NRXN1: variants seen among roughly 807,000 people sequenced by gnomAD.
The protein encoded by NRXN1 is neurexin-1.
Under a neutral mutation model 150.9 loss-of-function variants are expected in NRXN1, and 39 were observed. The ratio of observed to expected loss-of-function variants is 0.26; its 90% CI spans 0.20 to 0.34. The LOEUF (loss-of-function observed/expected upper bound fraction) is 0.34, where lower values mean the gene tolerates loss of function less well. Among genes scored for constraint, NRXN1 ranks in the 10% least tolerant of loss-of-function variants. NRXN1 has a pLI of 1.00. For synonymous variants in NRXN1, 924 were observed against 757.0 expected (o/e 1.22, Z -3.62); for missense variants, 1,815 against 1,949.9 (o/e 0.93, Z 1.30).
chr2:50,240,394 C>A (rs903010375), intron 17 of NRXN1, among the ~76,000 whole-genome samples: 1 of 151,748 alleles, frequency 6.6e-6, no homozygotes, highest in Non-Finnish European at 1.5e-5. Flanking sequence ...TTCCTCAGCT[C>A]TCTTCTACAT....
At chr2:50,976,745 G>A (rs1695907900) in intron 2 of NRXN1, among the ~76,000 whole-genome samples, 1 of 151,770 alleles carries the variant, frequency 6.6e-6, no homozygotes, top group South Asian at 2.1e-4. Context: ...AAGTACTCGG[G>A]AACTGTAACC....
At chr2:50,413,969 C>A (rs1288968448) in intron 17 of NRXN1, among the ~76,000 whole-genome samples, 1 of 140,970 alleles carries the variant, frequency 7.1e-6, no homozygotes, top group Admixed American at 7.9e-5. Flanking sequence ...TTTGTGGGAT[C>A]TGAAAATCAA....
intron 2 of NRXN1, among the ~76,000 whole-genome samples, chr2:50,959,994 C>T (rs145886528): frequency 6.6e-4 from 101 of 151,994 alleles, no homozygotes; most frequent in Non-Finnish European, 1.0e-3. Flanking sequence ...TTTTCTTATA[C>T]ACAAAAATTC....
intron 5 of NRXN1, among the ~76,000 whole-genome samples, chr2:50,851,385 A>G (rs1023465242): frequency 2.6e-5 from 4 of 152,200 alleles, no homozygotes; most frequent in Admixed American, 6.5e-5. Flanking sequence ...CAAGAAATAT[A>G]TAAGTGTTTT....
At chr2:50,266,826 TAAG>T (rs1024855234) in intron 17 of NRXN1, among the ~76,000 whole-genome samples, 2 of 152,184 alleles carry the variant, frequency 1.3e-5, no homozygotes, top group Non-Finnish European at 2.9e-5. Flanking sequence ...GTTTGGTATT[TAAG>T]AAAGCATAAA....
rs540397119 is a variant in NRXN1, at chr2:50,346,014, A to G, written c.3365-109044T>C. Among the ~76,000 whole-genome samples the G allele has an allele frequency of 1.3e-5, 2 of 152,208 alleles. No homozygotes were observed. The highest frequency in any genetic ancestry group is 3.9e-4 in the East Asian group (2 of 5,184). ...AGACATATATTTATGTGCAGAGTGG[A>G]TGGAAGGGGAATGGTGTCCAGAGGT... is the stretch of plus-strand genomic sequence containing the variant. On this transcript the variant is annotated intron_variant, in intron 17 of 22. Coordinates refer to ENST00000401669, the MANE Select transcript of NRXN1 (RefSeq NM_001330078.2). The surrounding 1 kb of genome is among the most constrained non-coding windows in gnomAD (Gnocchi z 5.0).
intron 2 of NRXN1, among the ~76,000 whole-genome samples, chr2:50,998,722 T>C (rs1699642883): frequency 6.6e-6 from 1 of 152,114 alleles, no homozygotes; most frequent in East Asian, 1.9e-4. Flanking sequence ...AACATTTTAA[T>C]CTTTTGTCAG....
intron 16 of NRXN1, among the ~76,000 whole-genome samples, chr2:50,468,592 A>G (rs750136893): frequency 1.3e-5 from 2 of 151,620 alleles, no homozygotes; most frequent in African/African-American, 4.8e-5. Flanking sequence ...AATTAATAAT[A>G]TGTCTAAAAG....
intron 19 of NRXN1, among the ~76,000 whole-genome samples, chr2:50,070,951 A>G (rs1185630369): frequency 6.6e-6 from 1 of 152,168 alleles, no homozygotes; most frequent in African/African-American, 2.4e-5. Context: ...TTCTTCTTAA[A>G]CTTAAGCTAC....
chr2:50,090,696 T>C (rs1699437707), intron 19 of NRXN1, among the ~76,000 whole-genome samples: 1 of 152,186 alleles, frequency 6.6e-6, no homozygotes, highest in South Asian at 2.1e-4. Flanking sequence ...AATAACGGCT[T>C]GACATTTATT....
chr2:51,028,295 G>A lies in NRXN1; in HGVS notation c.-22C>T, dbSNP rs1057520336. ...CCATGCTCGGGGCTGGGGTGCGGCG[G>A]GGGGGTGCCGGGGCCGACAGGGTCA... On this transcript the variant is annotated 5_prime_UTR_variant, in exon 2 of 23. Coordinates refer to ENST00000401669, the MANE Select transcript of NRXN1 (RefSeq NM_001330078.2). 5 of 1,411,414 alleles carry A rather than the reference G, an allele frequency of 3.5e-6. No homozygotes were observed. The highest frequency in any genetic ancestry group is 2.8e-6 in the Non-Finnish European group (3 of 1,082,880). The allele number at this position is 1,411,414 out of a possible 1,614,324, so 87.4% of individuals were successfully genotyped here. A position where few individuals can be genotyped will look rare whatever the true frequency, so the allele number is the denominator to read the frequency against.
At chr2:50,363,839 C>T (rs976766552) in intron 17 of NRXN1, among the ~76,000 whole-genome samples, 1 of 152,138 alleles carries the variant, frequency 6.6e-6, no homozygotes, top group Admixed American at 6.5e-5. Flanking sequence ...TTGCAACCAA[C>T]CCAAATGCCC....
intron 5 of NRXN1, among the ~76,000 whole-genome samples, chr2:50,844,939 G>C (rs768783840): frequency 3.3e-5 from 5 of 151,672 alleles, no homozygotes; most frequent in Admixed American, 6.6e-5. Flanking sequence ...TTGCAGTCTC[G>C]ACTTGCCAGG....
chr2:50,938,510 G>A (rs1028873766), intron 2 of NRXN1, among the ~76,000 whole-genome samples: 14 of 152,150 alleles, frequency 9.2e-5, no homozygotes, highest in Middle Eastern at 3.4e-3. Flanking sequence ...ATTTCTGCCC[G>A]TTACCCAGTT....
At chr2:51,026,570 C>T in intron 2 of NRXN1, 1 of 736,684 alleles carries the variant, frequency 1.4e-6, no homozygotes, top group Non-Finnish European at 2.4e-6. Context: ...GCCTCCACTA[C>T]CCAGATAAAT....
In NRXN1 at chr2:50,346,284, A is replaced by G; in HGVS notation, c.3365-109314T>C. On this transcript the variant is annotated intron_variant, in intron 17 of 22. Transcript: ENST00000401669. The surrounding 1 kb of genome is among the most constrained non-coding windows in gnomAD (Gnocchi z 5.0). ...CAGGAGGTGGGGCAGCATATACAGC[A>G]CAGACAAAAGGTTCTGCAGAGCCCT... 6.6e-6 allele frequency among the ~76,000 whole-genome samples: 1 copy of G among 152,120 alleles called. No individual in the cohort carries two copies. Among genetic ancestry groups the G allele is most frequent in the East Asian group, 1.9e-4 (1 of 5,148 alleles).
intron 5 of NRXN1, among the ~76,000 whole-genome samples, chr2:50,745,178 A>C (rs1335530690): frequency 6.6e-6 from 1 of 152,126 alleles, no homozygotes; most frequent in East Asian, 1.9e-4. Flanking sequence ...CTATACAATA[A>C]AGTTGATAAT....
intron 17 of NRXN1, among the ~76,000 whole-genome samples, chr2:50,457,238 G>A (rs1042368795): frequency 5.3e-5 from 8 of 152,044 alleles, no homozygotes; most frequent in Non-Finnish European, 8.8e-5. Context: ...AAAGCATAAG[G>A]TTTAAATTTA....
At chr2:50,775,360 C>T (rs1415261005) in intron 5 of NRXN1, among the ~76,000 whole-genome samples, 1 of 152,072 alleles carries the variant, frequency 6.6e-6, no homozygotes. Context: ...AATTTCTTCC[C>T]CTGGGAAAGC....
Sources: gnomAD v4.1 joint callset for allele counts (sites outside exome capture counted in the v4.1 genomes callset) on GRCh38, gnomAD v4.1.1 for gene constraint, Gnocchi (gnomAD v3.1) non-coding constraint, MANE v1.5 for transcripts, NCBI Gene and HGNC (gene_info 2026-07-23, HGNC 2026-07-21) for gene names.